Variants in SH3KBP1 observed in about 807,000 individuals in gnomAD.
SH3KBP1 encodes SH3 domain-containing kinase-binding protein 1.
A neutral mutation model predicts 50.1 loss-of-function variants in SH3KBP1; 8 were observed. The observed-to-expected ratio is 0.16, with a 90% CI of 0.09 to 0.29. The LOEUF is 0.29. Among genes scored for constraint, SH3KBP1 ranks in the 10% least tolerant of loss-of-function variants. The probability of loss-of-function intolerance (pLI) is 1.00; values close to 1 mark genes in which losing one functional copy is unlikely to be tolerated. For synonymous variants in SH3KBP1, 227 were observed against 218.6 expected, an observed-to-expected ratio of 1.04 and a Z score of -0.34; for missense variants, 377 against 535.2, an observed-to-expected ratio of 0.70 and a Z score of 2.92.
intron 1 of SH3KBP1, among the ~76,000 whole-genome samples, chrX:19,872,645 G>A (rs922361182): frequency 9.1e-6 from 1 of 109,670 alleles, no homozygotes; most frequent in African/African-American, 3.3e-5. Flanking sequence ...ACATGGTGGC[G>A]GGCGCCTGTA....
intron 10 of SH3KBP1, among the ~76,000 whole-genome samples, chrX:19,592,523 T>C (rs1246498364): frequency 9.0e-6 from 1 of 111,432 alleles, no homozygotes; most frequent in Non-Finnish European, 1.9e-5. Context: ...TGTTGTGTTC[T>C]ACCAAAAAAA....
At chrX:19,832,651 G>T (rs955051193) in intron 2 of SH3KBP1, among the ~76,000 whole-genome samples, 1 of 108,016 alleles carries the variant, frequency 9.3e-6, no homozygotes, top group African/African-American at 3.4e-5. Flanking sequence ...GCCTCCCCCC[G>T]CCCCCCAATC....
chrX:19,850,333 G>A (rs1402824812), intron 1 of SH3KBP1, among the ~76,000 whole-genome samples: 2 of 110,937 alleles, frequency 1.8e-5, no homozygotes, highest in African/African-American at 3.3e-5. Flanking sequence ...ACAGGCACGC[G>A]CCACCATGCC....
chrX:19,606,729 G>A (rs1043469208), intron 9 of SH3KBP1, among the ~76,000 whole-genome samples: 5 of 111,817 alleles, frequency 4.5e-5, no homozygotes, highest in Non-Finnish European at 7.5e-5. Context: ...ACCATGTCTG[G>A]GGTGGGGTCT....
At chrX:19,697,196 A>G (rs2063435961) in intron 4 of SH3KBP1, among the ~76,000 whole-genome samples, 1 of 112,475 alleles carries the variant, frequency 8.9e-6, no homozygotes, top group African/African-American at 3.2e-5. Context: ...TTTTCAACTT[A>G]TGATGGGTTT....
rs769375018 is a variant in SH3KBP1, at chrX:19,588,658, G to A, written c.1283C>T (p.Pro428Leu). Reference sequence around the variant, plus strand: ...ACAGCAGTACCTGGTGTGTGTCAGCGGACCCACCGGTCTCTCCGGCCTTCT... The same window carrying A: ...ACAGCAGTACCTGGTGTGTGTCAGCAGACCCACCGGTCTCTCCGGCCTTCT... ...PPRRPERPVG[P>L]LTHTRGDSPK... is the part of the protein sequence containing the mutation. Residue 428 changes from proline (P) to leucine (L), a missense_variant, in exon 12 of 18, where the codon CCG becomes CTG. By Grantham distance (98) the Pro-to-Leu change is moderately conservative. Coordinates refer to ENST00000397821, the MANE Select transcript of SH3KBP1 (RefSeq NM_031892.3). 1.6e-5 allele frequency: 19 copies of A among 1,204,985 alleles called. No homozygotes were observed. Among genetic ancestry groups the A allele is most frequent in the African/African-American group, 1.1e-4 (6 of 55,926 alleles).
At chrX:19,638,414 A>AG (rs1265847273) in intron 7 of SH3KBP1, among the ~76,000 whole-genome samples, 1 of 108,901 alleles carries the variant, frequency 9.2e-6, no homozygotes, top group Non-Finnish European at 1.9e-5. Flanking sequence ...GTCTCAAAAA[A>AG]AAAAAAAAAA....
At chrX:19,698,213 G>C (rs2063466540) in intron 4 of SH3KBP1, among the ~76,000 whole-genome samples, 1 of 111,754 alleles carries the variant, frequency 8.9e-6, no homozygotes, top group Non-Finnish European at 1.9e-5. Flanking sequence ...ATAGCAGGAG[G>C]AGAAAATCAA....
At position 19,826,685 on chromosome X, in the gene SH3KBP1, AATAACATAACATAACATAAC is replaced by A. The variant is rs3036641; in HGVS notation, c.162+9420_162+9439del. On this transcript the variant is annotated intron_variant, in intron 2 of 17. Transcript: ENST00000397821. ...GCTATGGAAGGAGACACTGTCTCTAAATAACATAACATAACATAACATAACATAACATAACATAACATAAC... is the reference window on the plus strand; with the variant it reads ...GCTATGGAAGGAGACACTGTCTCTAAATAACATAACATAACATAACATAAC... 2.2e-3 allele frequency among the ~76,000 whole-genome samples: 195 copies of A among 89,673 alleles called. 2 individuals carry two copies. Among genetic ancestry groups the A allele is most frequent in the African/African-American group, 7.4e-3 (171 of 23,155 alleles). 77.9% of individuals were successfully genotyped at this position (89,673 alleles called of 115,157 possible). A position where few individuals can be genotyped will look rare whatever the true frequency, so the allele number is the denominator to read the frequency against.
At chrX:19,554,035 TATAA>T (rs2065355380) in intron 13 of SH3KBP1, among the ~76,000 whole-genome samples, 1 of 64,036 alleles carries the variant, frequency 1.6e-5, no homozygotes, top group Admixed American at 2.5e-4. Flanking sequence ...AAATATAATA[TATAA>T]TATATATTAA....
chrX:19,667,462 C>A (rs759983114), intron 6 of SH3KBP1, among the ~76,000 whole-genome samples: 1 of 110,445 alleles, frequency 9.1e-6, no homozygotes, highest in South Asian at 3.8e-4. Context: ...CCTGTCTCTA[C>A]AAAAGGAATA....
chrX:19,541,890 T>C, intron 16 of SH3KBP1, 35 bp downstream of exon 16: 1 of 1,182,164 alleles, frequency 8.5e-7, no homozygotes, highest in Non-Finnish European at 1.1e-6. Context: ...GAGAGCAACC[T>C]GGGTGACGGC....
intron 2 of SH3KBP1, among the ~76,000 whole-genome samples, chrX:19,796,594 A>G (rs977973989): frequency 1.8e-5 from 2 of 112,326 alleles, no homozygotes; most frequent in Admixed American, 1.9e-4. Context: ...ATTTGGTGGT[A>G]AGTCATCTGG....
chrX:19,865,787 C>A (rs1161023543), intron 1 of SH3KBP1, among the ~76,000 whole-genome samples: 1 of 112,184 alleles, frequency 8.9e-6, no homozygotes, highest in Non-Finnish European at 1.9e-5. Flanking sequence ...TGTACACACA[C>A]TGACCAAAGG....
At chrX:19,786,432 C>A (rs1035451459) in intron 2 of SH3KBP1, among the ~76,000 whole-genome samples, 2 of 111,680 alleles carry the variant, frequency 1.8e-5, no homozygotes, top group African/African-American at 6.5e-5. Flanking sequence ...TTTCTTGTGG[C>A]GGCCAACAAA....
intron 3 of SH3KBP1, among the ~76,000 whole-genome samples, chrX:19,720,231 A>G (rs1010037822): frequency 9.0e-6 from 1 of 110,904 alleles, no homozygotes; most frequent in Non-Finnish European, 1.9e-5. Context: ...GGCTGGTCCC[A>G]GGCATTGGTT....
chrX:19,877,241 T>C (rs1452859004), intron 1 of SH3KBP1, among the ~76,000 whole-genome samples: 1 of 112,263 alleles, frequency 8.9e-6, no homozygotes, highest in African/African-American at 3.2e-5. Flanking sequence ...TTGCTGGTTT[T>C]GTTTTGATGA....
chrX:19,572,766 T>C (rs551617089), intron 12 of SH3KBP1, among the ~76,000 whole-genome samples: 1 of 111,920 alleles, frequency 8.9e-6, no homozygotes, highest in African/African-American at 3.2e-5. Context: ...CTATGATATT[T>C]GATGGACTTT....
chrX:19,749,611 C>T (rs1278595340), intron 2 of SH3KBP1, among the ~76,000 whole-genome samples: 1 of 112,258 alleles, frequency 8.9e-6, no homozygotes. Flanking sequence ...CTAGAATAGG[C>T]AAATTCATAG....
Sources: gnomAD v4.1 joint callset for allele counts (sites outside exome capture counted in the v4.1 genomes callset) on GRCh38, gnomAD v4.1.1 for gene constraint, MANE v1.5 for transcripts, NCBI Gene and HGNC (gene_info 2026-07-23, HGNC 2026-07-21) for gene names.